FBXL20: variants seen among roughly 807,000 people sequenced by gnomAD.
The protein encoded by FBXL20 is F-box and leucine rich repeat protein 20, also known as F-box/LRR-repeat protein 20.
Under a neutral mutation model 64.0 loss-of-function variants are expected in FBXL20, and 11 were observed. The ratio of observed to expected loss-of-function variants is 0.17; its 90% CI spans 0.11 to 0.28. FBXL20 has a LOEUF of 0.28. Among genes scored for constraint, FBXL20 ranks in the 10% least tolerant of loss-of-function variants. The pLI is 1.00. For missense variants in FBXL20, 303 were observed against 526.2 expected (o/e 0.58, Z 4.15); for synonymous variants, 184 against 189.0 (o/e 0.97, Z 0.22).
chr17:39,283,608 C>T (rs2046966115), intron 7 of FBXL20, among the ~76,000 whole-genome samples: 1 of 152,094 alleles, frequency 6.6e-6, no homozygotes, highest in African/African-American at 2.4e-5. Flanking sequence ...GGATATTCAA[C>T]TCACAGTACC....
chr17:39,402,222 TTCC>T (rs2048255062), upstream of FBXL20: 3 of 1,231,976 alleles, frequency 2.4e-6, no homozygotes, highest in Admixed American at 8.4e-5. Flanking sequence ...CGGAGCCATT[TTCC>T]TCCTCTTCTG....
chr17:39,324,351 G>C (rs1416973774), intron 2 of FBXL20, among the ~76,000 whole-genome samples: 1 of 148,360 alleles, frequency 6.7e-6, no homozygotes, highest in South Asian at 2.1e-4. Flanking sequence ...TGCAGTGGCA[G>C]GATCTCGGCT....
At chr17:39,374,859 T>C (rs1342102580) in intron 1 of FBXL20, among the ~76,000 whole-genome samples, 1 of 152,042 alleles carries the variant, frequency 6.6e-6, no homozygotes, top group Non-Finnish European at 1.5e-5. Flanking sequence ...TGATCTCGGC[T>C]CACTGCAACC....
intron 2 of FBXL20, among the ~76,000 whole-genome samples, chr17:39,327,528 G>C (rs1188828318): frequency 6.6e-6 from 1 of 151,934 alleles, no homozygotes. Flanking sequence ...TATGTAACAG[G>C]ATTATCATAG....
rs138706158 is a variant in FBXL20, at chr17:39,287,872, A to G, written c.399-2299T>C. On this transcript the variant is annotated intron_variant, in intron 6 of 14. Coordinates refer to ENST00000264658, the MANE Select transcript of FBXL20 (RefSeq NM_032875.3). The stretch of plus-strand genomic sequence containing the variant: ...GACCCAGTTTTTCCAAATCCTTGTC[A>G]ACACTTGGCATTGTCTCTCTTTTTG... 2.6e-5 allele frequency among the ~76,000 whole-genome samples: 4 copies of G among 152,242 alleles called. No individual in the cohort carries two copies. The East Asian group carries it at 7.7e-4, about 29-fold the overall frequency.
intron 3 of FBXL20, 49 bp from the exon 4 acceptor site, chr17:39,301,124 GA>G: frequency 6.5e-7 from 1 of 1,545,614 alleles, no homozygotes; most frequent in African/African-American, 1.4e-5. Context: ...AAATTAAGGG[GA>G]AAAGGCAGCA....
At chr17:39,266,310 C>T (rs1440951301) in intron 12 of FBXL20, among the ~76,000 whole-genome samples, 5 of 151,718 alleles carry the variant, frequency 3.3e-5, no homozygotes, top group Non-Finnish European at 7.4e-5. Flanking sequence ...ACCTCCACCT[C>T]CTGGGTTCAA....
At position 39,281,378 on chromosome 17, in the gene FBXL20, G is replaced by A. The variant is rs775064698; in HGVS notation, c.696+11C>T. The A allele has an allele frequency of 1.2e-6, 2 of 1,612,598 alleles. No individual in the cohort carries two copies. Among genetic ancestry groups the A allele is most frequent in the Non-Finnish European group, 1.7e-6 (2 of 1,179,030 alleles). On this transcript the variant is annotated intron_variant, in intron 9 of 14. Transcript: ENST00000264658. ...TACTAAAACAGAAGAGTTGTGAGAAGGGATGTTTACCAAGCAAGTCTGCAA... is the reference window on the plus strand; with the variant it reads ...TACTAAAACAGAAGAGTTGTGAGAAAGGATGTTTACCAAGCAAGTCTGCAA...
intron 12 of FBXL20, 111 bp from the exon 13 acceptor site, chr17:39,265,564 G>A (rs2046783410): frequency 2.8e-6 from 2 of 724,720 alleles, no homozygotes; most frequent in Non-Finnish European, 4.5e-6. Context: ...AGAGTGTAGT[G>A]GTGCAACTAT....
chr17:39,319,032 C>A (rs530255352), intron 2 of FBXL20, among the ~76,000 whole-genome samples: 1 of 151,974 alleles, frequency 6.6e-6, no homozygotes, highest in Non-Finnish European at 1.5e-5. Flanking sequence ...AGGCAAATCA[C>A]GTGGTCAGGA....
rs565838512 is a variant in FBXL20, at chr17:39,396,702, T to C, written c.42+4659A>G. On this transcript the variant is annotated intron_variant, in intron 1 of 14. Coordinates refer to ENST00000264658, the MANE Select transcript of FBXL20 (RefSeq NM_032875.3). The stretch of plus-strand genomic sequence containing the variant: ...CGGGCGTGGTGGCTCACACCTGTAA[T>C]CCCAGCACTTTGGGAGGCTGAGGTG... 2.1e-4 allele frequency among the ~76,000 whole-genome samples: 32 copies of C among 151,902 alleles called. No individual in the cohort carries two copies. In the South Asian group the frequency reaches 5.6e-3, roughly 27 times the overall value.
At chr17:39,319,643 TG>T (rs1337649113) in intron 2 of FBXL20, among the ~76,000 whole-genome samples, 1 of 117,200 alleles carries the variant, frequency 8.5e-6, no homozygotes, top group African/African-American at 3.3e-5. Context: ...CGAAAGCATC[TG>T]GCCTGGGCAA....
intron 2 of FBXL20, among the ~76,000 whole-genome samples, chr17:39,337,283 C>CA (rs1335488136): frequency 6.6e-6 from 1 of 152,234 alleles, no homozygotes; most frequent in Non-Finnish European, 1.5e-5. Flanking sequence ...CTCGTTCACT[C>CA]AGTGCTCAAT....
chr17:39,322,276 A>T (rs2047364386), intron 2 of FBXL20, among the ~76,000 whole-genome samples: 1 of 152,040 alleles, frequency 6.6e-6, no homozygotes, highest in Non-Finnish European at 1.5e-5. Context: ...CTTTGAGACT[A>T]ACAGACTAAA....
chr17:39,292,307 AT>A (rs1234154676), intron 6 of FBXL20, among the ~76,000 whole-genome samples: 2 of 150,152 alleles, frequency 1.3e-5, no homozygotes, highest in Non-Finnish European at 2.9e-5. Flanking sequence ...AATAGTATGT[AT>A]TTTCCCATTC....
chr17:39,376,051 G>A (rs1444261649), intron 1 of FBXL20, among the ~76,000 whole-genome samples: 3 of 152,084 alleles, frequency 2.0e-5, no homozygotes, highest in East Asian at 1.9e-4. Flanking sequence ...CCCAGGAGGC[G>A]GAGGTTGCAA....
At chr17:39,285,427 A>C in intron 7 of FBXL20, 51 bp downstream of exon 7, 1 of 1,265,716 alleles carries the variant, frequency 7.9e-7, no homozygotes, top group Non-Finnish European at 1.1e-6. Flanking sequence ...TATTTTTTTA[A>C]AATATGTATT....
At chr17:39,375,484 G>A (rs1306090136) in intron 1 of FBXL20, among the ~76,000 whole-genome samples, 1 of 152,138 alleles carries the variant, frequency 6.6e-6, no homozygotes, top group East Asian at 1.9e-4. Flanking sequence ...AGCAGAACAG[G>A]ATGACTATAG....
chr17:39,305,292 G>C (rs1247783203), intron 2 of FBXL20, among the ~76,000 whole-genome samples: 1 of 152,102 alleles, frequency 6.6e-6, no homozygotes, highest in Admixed American at 6.5e-5. Context: ...ATTTTTCTCA[G>C]CCTTATAGAA....
Sources: allele counts gnomAD v4.1 joint callset (sites outside exome capture counted in the v4.1 genomes callset), GRCh38; gene constraint gnomAD v4.1.1; transcripts MANE v1.5; gene names NCBI Gene and HGNC (gene_info 2026-07-23, HGNC 2026-07-21).